Variants in CEP162 observed in about 807,000 individuals in gnomAD.
CEP162 encodes centrosomal protein of 162 kDa.
A neutral mutation model predicts 169.2 loss-of-function variants in CEP162; 141 were observed. The observed-to-expected ratio is 0.83, with a 90% CI of 0.73 to 0.96. The LOEUF (loss-of-function observed/expected upper bound fraction) is 0.96, where lower values mean the gene tolerates loss of function less well. Ranked by LOEUF, CEP162 falls within the 40% of genes least tolerant of loss-of-function variation. The pLI is 0.00. For synonymous variants in CEP162, 540 were observed against 526.4 expected (o/e 1.03, Z -0.35); for missense variants, 1,600 against 1,587.2 (o/e 1.01, Z -0.14).
At chr6:84,204,525 A>C (rs1040317816) in intron 6 of CEP162, among the ~76,000 whole-genome samples, 2 of 152,232 alleles carry the variant, frequency 1.3e-5, no homozygotes, top group Admixed American at 1.3e-4. Context: ...GTTCTTTGAA[A>C]CCAATGAGAA....
At chr6:84,136,045 G>A (rs949182541) in intron 25 of CEP162, among the ~76,000 whole-genome samples, 1 of 152,294 alleles carries the variant, frequency 6.6e-6, no homozygotes, top group South Asian at 2.1e-4. Context: ...AGGAGATCCT[G>A]GGCACTGTGT....
At chr6:84,192,362 A>AT (rs1296311812) in intron 11 of CEP162, among the ~76,000 whole-genome samples, 9 of 152,380 alleles carry the variant, frequency 5.9e-5, no homozygotes, top group Admixed American at 5.2e-4. Flanking sequence ...GGTTTTACCT[A>AT]TAACAACAAA....
intron 9 of CEP162, 83 bp downstream of exon 9, chr6:84,200,706 T>C (rs1038995984): frequency 7.0e-6 from 4 of 569,456 alleles, no homozygotes; most frequent in Middle Eastern, 4.0e-4. Context: ...AGTTATTATA[T>C]ATATATTTCC....
chr6:84,226,023 C>G (rs560991507), intron 2 of CEP162, among the ~76,000 whole-genome samples: 1 of 150,502 alleles, frequency 6.6e-6, no homozygotes, highest in East Asian at 1.9e-4. Context: ...GGCTTTAAAA[C>G]CATGGTAAGG....
At chr6:84,214,334 T>C (rs2099550715) in intron 5 of CEP162, among the ~76,000 whole-genome samples, 1 of 152,216 alleles carries the variant, frequency 6.6e-6, no homozygotes, top group African/African-American at 2.4e-5. Flanking sequence ...ACACAGCCCA[T>C]TGTGTGTGAA....
intron 9 of CEP162, among the ~76,000 whole-genome samples, chr6:84,196,194 G>C (rs917388820): frequency 6.6e-6 from 1 of 152,076 alleles, no homozygotes; most frequent in Non-Finnish European, 1.5e-5. Context: ...TATGGGGGTG[G>C]GTCTTTTCTG....
rs13218909 is a variant in CEP162, at chr6:84,169,343, T to A, written c.2370A>T (p.Glu790Asp). ...TGCAACTTACCTGTGCCATCCGTAG[T>A]TCTGCTAACAGATCTGTAAAATTCT... is the stretch of plus-strand genomic sequence containing the variant. Reference protein sequence around the residue: ...RNQNFTDLLAELRMAQKEKDS... With the variant: ...RNQNFTDLLADLRMAQKEKDS... Residue 790 changes from glutamate to aspartate, a missense_variant, in exon 18 of 27, where the codon GAA becomes GAT. By Grantham distance (45) the Glu-to-Asp change is conservative (BLOSUM62 2). Coordinates refer to ENST00000403245, the MANE Select transcript of CEP162 (RefSeq NM_014895.4). 11 of 1,570,172 alleles carry A rather than the reference T, an allele frequency of 7.0e-6. No homozygotes were observed. Among genetic ancestry groups the A allele is most frequent in the Non-Finnish European group, 9.5e-6 (11 of 1,156,522 alleles).
chr6:84,137,209 C>T (rs948320917), intron 25 of CEP162, among the ~76,000 whole-genome samples: 19 of 152,178 alleles, frequency 1.2e-4, no homozygotes, highest in Non-Finnish European at 2.4e-4. Flanking sequence ...AAGAGAAATG[C>T]GTCATGCTGC....
At chr6:84,207,532 A>G (rs985424743) in intron 6 of CEP162, among the ~76,000 whole-genome samples, 1 of 132,244 alleles carries the variant, frequency 7.6e-6, no homozygotes, top group Non-Finnish European at 1.6e-5. Flanking sequence ...ACACTTGGAC[A>G]CAGGGTGGGG....
chr6:84,146,651 A>AACTT (rs1439220615), intron 25 of CEP162, 36 bp downstream of exon 25: 2 of 983,116 alleles, frequency 2.0e-6, no homozygotes, highest in South Asian at 1.6e-5. Flanking sequence ...GCCTAAGAAA[A>AACTT]ACTTATTTTA....
intron 25 of CEP162, among the ~76,000 whole-genome samples, chr6:84,132,958 T>C (rs1303151967): frequency 6.6e-6 from 1 of 152,050 alleles, no homozygotes; most frequent in Non-Finnish European, 1.5e-5. Flanking sequence ...ATTTTCAGCT[T>C]TTCTGCTCTG....
At position 84,215,385 on chromosome 6, in the gene CEP162, A is replaced by ATTGTTC. The variant is rs747636360; in HGVS notation, c.394_399dup (p.Glu132_Gln133dup). On this transcript the variant is annotated inframe_insertion, in exon 5 of 27. Transcript: ENST00000403245. ...AAGCCTTTCTCAAGCCTGGCAAAAA[A>ATTGTTC]TTGTTCTTTCTCCTCTTGTTCTTCT... 2 of 1,609,392 alleles carry ATTGTTC rather than the reference A, an allele frequency of 1.2e-6. No homozygotes were observed. Among genetic ancestry groups the ATTGTTC allele is most frequent in the Non-Finnish European group, 1.7e-6 (2 of 1,177,418 alleles).
Position 84,160,823 on chromosome 6 carries a change from G to A in CEP162, c.2770C>T (p.Leu924=). 1 of 1,604,152 alleles carries A rather than the reference G, an allele frequency of 6.2e-7. No homozygotes were observed. The change falls in exon 21 of 27, where the codon CTG becomes TTG. Residue 924 remains leucine, a synonymous_variant. Coordinates refer to ENST00000403245, the MANE Select transcript of CEP162 (RefSeq NM_014895.4). ...CCCTGAACACATACTTGTCGCTCCA[G>A]ATCCTGAATTTTTTTGGCATCTGCT... ...KAADAKKIQD[L]ERQVKEMEGI...
chr6:84,153,313 T>C, intron 22 of CEP162, 134 bp from the exon 23 acceptor site: 2 of 741,980 alleles, frequency 2.7e-6, no homozygotes, highest in Non-Finnish European at 4.1e-6. Flanking sequence ...TACAATTCTG[T>C]TTCTTGAGTG....
At position 84,212,963 on chromosome 6, in the gene CEP162, G is replaced by A. The variant is rs75948054; in HGVS notation, c.565C>T (p.Leu189=). The change falls in exon 6 of 27, where the codon CTG becomes TTG. Residue 189 remains leucine, a synonymous_variant. Transcript: ENST00000403245. ...EHENESKHEE[L]AENYSDDFED... Reference sequence around the variant, plus strand: ...TAAGAACCAATGAAATTACCTGCCAGTTCTTCATGTTTCGATTCATTCTCA... The same window carrying A: ...TAAGAACCAATGAAATTACCTGCCAATTCTTCATGTTTCGATTCATTCTCA... 0.02 allele frequency: 30,137 copies of A among 1,539,388 alleles called. 476 individuals are homozygous for A. Among genetic ancestry groups the A allele is most frequent in the African/African-American group, 0.082 (5,999 of 72,980 alleles).
intron 16 of CEP162, 118 bp downstream of exon 16, chr6:84,173,930 C>T: frequency 1.4e-6 from 1 of 735,328 alleles, no homozygotes; most frequent in Non-Finnish European, 2.2e-6. Context: ...GGTGATCCGC[C>T]CACCTCATCC....
chr6:84,151,581 T>C (rs766848076), intron 23 of CEP162, among the ~76,000 whole-genome samples: 32 of 152,132 alleles, frequency 2.1e-4, no homozygotes, highest in Non-Finnish European at 2.9e-4. Flanking sequence ...CTAGAAGTCA[T>C]GGTTCACAGA....
intron 2 of CEP162, among the ~76,000 whole-genome samples, chr6:84,223,908 G>GAAA (rs796116679): frequency 7.5e-6 from 1 of 132,866 alleles, no homozygotes; most frequent in African/African-American, 2.7e-5. Flanking sequence ...TCAGTCTCAA[G>GAAA]AAAAAAAAAA....
At chr6:84,185,558 T>C (rs2099536817) in intron 12 of CEP162, 110 bp from the exon 13 acceptor site, 2 of 949,558 alleles carry the variant, frequency 2.1e-6, no homozygotes, top group South Asian at 2.1e-5. Flanking sequence ...TAATGTAGTT[T>C]GTAAAAGGCA....
Sources: allele counts gnomAD v4.1 joint callset (sites outside exome capture counted in the v4.1 genomes callset), GRCh38; gene constraint gnomAD v4.1.1; transcripts MANE v1.5; gene names NCBI Gene and HGNC (gene_info 2026-07-23, HGNC 2026-07-21).